The following ARHGAP32 variants were observed in gnomAD, a reference collection of about 807,000 sequenced individuals.
ARHGAP32 encodes rho GTPase-activating protein 32.
Under a neutral mutation model 186.5 loss-of-function variants are expected in ARHGAP32, and 51 were observed. The ratio of observed to expected loss-of-function variants is 0.27; its 90% CI spans 0.22 to 0.35. The LOEUF is 0.35. Ranked by LOEUF, ARHGAP32 falls within the 10% of genes least tolerant of loss-of-function variation. The probability of loss-of-function intolerance (pLI) is 1.00; values close to 1 mark genes in which losing one functional copy is unlikely to be tolerated. For missense variants in ARHGAP32, 2,186 were observed against 2,623.5 expected (o/e 0.83, Z 3.64); for synonymous variants, 950 against 964.3 (o/e 0.99, Z 0.27).
At chr11:129,159,059 G>A (rs1042553830) in intron 2 of ARHGAP32, among the ~76,000 whole-genome samples, 5 of 152,186 alleles carry the variant, frequency 3.3e-5, no homozygotes, top group African/African-American at 1.2e-4. Context: ...TGAAAGCAGT[G>A]TTTAGAGGGA....
chr11:129,001,265 T>G (rs1432704968), intron 11 of ARHGAP32, among the ~76,000 whole-genome samples: 2 of 152,160 alleles, frequency 1.3e-5, no homozygotes, highest in African/African-American at 4.8e-5. Context: ...AAGGGTTCCC[T>G]TTTCTCCACA....
Position 128,968,508 on chromosome 11 carries a change from C to T in ARHGAP32, c.*399G>A, listed in dbSNP as rs925545063. On this transcript the variant is annotated 3_prime_UTR_variant, in exon 23 of 23. Transcript: ENST00000682385. ...ACACAACAGGGAATGCAGACGCCTA[C>T]CAGGAAATCGATGTGAACTGCTCTC... The T allele has an allele frequency of 6.5e-6, 1 of 153,950 alleles. No individual in the cohort carries two copies. Among genetic ancestry groups the T allele is most frequent in the Non-Finnish European group, 1.4e-5 (1 of 69,402 alleles). The allele number at this position is 153,950 out of a possible 1,614,324, so 9.5% of individuals were successfully genotyped here.
At chr11:129,104,100 A>C (rs947171300) in intron 5 of ARHGAP32, among the ~76,000 whole-genome samples, 2 of 152,124 alleles carry the variant, frequency 1.3e-5, no homozygotes, top group Non-Finnish European at 2.9e-5. Flanking sequence ...ATGTAAAAAT[A>C]AGAGCCAAAA....
At chr11:129,226,277 T>A (rs1213605432) in intron 1 of ARHGAP32, among the ~76,000 whole-genome samples, 1 of 152,136 alleles carries the variant, frequency 6.6e-6, no homozygotes, top group African/African-American at 2.4e-5. Context: ...TTAAAATCTG[T>A]ATATCCAAAA....
In ARHGAP32 at chr11:129,125,694, A is replaced by T. The variant is rs577531696; in HGVS notation, c.226-800T>A. Among the ~76,000 whole-genome samples, 19 of 151,820 alleles carry T rather than the reference A, an allele frequency of 1.3e-4. No individual in the cohort carries two copies. The East Asian group carries it at 3.5e-3, about 28-fold the overall frequency. On this transcript the variant is annotated intron_variant, in intron 2 of 22. Transcript: ENST00000682385. ...AGACAGTTTACATACTTTTTTTTTT[A>T]AATAGGACTTTTCAAAGATATGAGG...
At chr11:129,072,998 T>C (rs973769200) in intron 6 of ARHGAP32, among the ~76,000 whole-genome samples, 1 of 152,154 alleles carries the variant, frequency 6.6e-6, no homozygotes, top group Non-Finnish European at 1.5e-5. Flanking sequence ...CCAGTCATCG[T>C]GTCCTACCTA....
chr11:129,097,541 G>C (rs999631967), intron 5 of ARHGAP32, among the ~76,000 whole-genome samples: 1 of 152,082 alleles, frequency 6.6e-6, no homozygotes, highest in African/African-American at 2.4e-5. Flanking sequence ...AAATTCACTA[G>C]AGGGATTCAA....
intron 6 of ARHGAP32, among the ~76,000 whole-genome samples, chr11:129,073,227 A>G (rs928866184): frequency 2.0e-5 from 3 of 152,146 alleles, no homozygotes; most frequent in Non-Finnish European, 4.4e-5. Flanking sequence ...AACTAAAAGG[A>G]AAAAAACACC....
At chr11:129,002,540 G>A (rs982360626) in intron 11 of ARHGAP32, among the ~76,000 whole-genome samples, 3 of 152,092 alleles carry the variant, frequency 2.0e-5, no homozygotes, top group Admixed American at 1.3e-4. Context: ...CTGCAAACAA[G>A]GATAATTTGG....
chr11:129,189,730 A>G (rs781401898), intron 1 of ARHGAP32, among the ~76,000 whole-genome samples: 19 of 152,188 alleles, frequency 1.2e-4, no homozygotes, highest in Non-Finnish European at 1.6e-4. Context: ...ATAGTGAAAG[A>G]GTGTTAATAA....
At position 128,986,899 on chromosome 11, in the gene ARHGAP32, T is replaced by C. The variant is rs143387003; in HGVS notation, c.1299-231A>G. Among the ~76,000 whole-genome samples the C allele has an allele frequency of 2.1e-3, 319 of 152,298 alleles. 2 individuals are homozygous for C. Among genetic ancestry groups the C allele is most frequent in the East Asian group, 0.016 (81 of 5,184 alleles). ...GGAAATTAAGGGCACAGCTTTAATATTAAAATGGACAATAGCCTCTGAGAT... is the reference window on the plus strand; with the variant it reads ...GGAAATTAAGGGCACAGCTTTAATACTAAAATGGACAATAGCCTCTGAGAT... On this transcript the variant is annotated intron_variant, in intron 13 of 22. Coordinates refer to ENST00000682385, the MANE Select transcript of ARHGAP32 (RefSeq NM_001378024.1).
intron 5 of ARHGAP32, among the ~76,000 whole-genome samples, chr11:129,101,593 G>A (rs998081240): frequency 2.0e-5 from 3 of 152,088 alleles, no homozygotes; most frequent in African/African-American, 4.8e-5. Context: ...ACCAAGCATA[G>A]GAAAGAATCT....
chr11:129,217,509 A>G (rs1003910193), intron 1 of ARHGAP32, among the ~76,000 whole-genome samples: 1 of 152,190 alleles, frequency 6.6e-6, no homozygotes, highest in African/African-American at 2.4e-5. Context: ...TCAGTATAAA[A>G]GATATCTCTC....
intron 2 of ARHGAP32, among the ~76,000 whole-genome samples, chr11:129,163,613 C>T (rs1232281555): frequency 6.6e-6 from 1 of 152,084 alleles, no homozygotes; most frequent in Non-Finnish European, 1.5e-5. Flanking sequence ...CAATTCTCAC[C>T]ATATGTGCTA....
chr11:129,235,747 A>G (rs562802084), intron 1 of ARHGAP32, among the ~76,000 whole-genome samples: 20 of 152,196 alleles, frequency 1.3e-4, no homozygotes, highest in African/African-American at 4.8e-4. Context: ...AAAGTCCATT[A>G]TATCATTCTT....
chr11:129,221,515 GTGTGTGTGTGTGTGTGTGTT>G (rs1472631496), intron 1 of ARHGAP32, among the ~76,000 whole-genome samples: 47 of 144,576 alleles, frequency 3.3e-4, no homozygotes, highest in African/African-American at 1.1e-3. Flanking sequence ...GTGTGTGTGT[GTGTGTGTGTGTGTGTGTGTT>G]TATGGTAAAA....
intron 6 of ARHGAP32, among the ~76,000 whole-genome samples, chr11:129,078,643 C>G (rs920960027): frequency 2.6e-5 from 4 of 152,082 alleles, no homozygotes; most frequent in African/African-American, 7.2e-5. Context: ...CAGGCATACA[C>G]CACCACGCGT....
At chr11:129,080,155 G>A (rs1403191874) in intron 6 of ARHGAP32, among the ~76,000 whole-genome samples, 1 of 152,012 alleles carries the variant, frequency 6.6e-6, no homozygotes, top group Non-Finnish European at 1.5e-5. Context: ...GTAATAGTGG[G>A]GGACTTCAAT....
chr11:129,128,636 C>T (rs972150509), intron 2 of ARHGAP32, among the ~76,000 whole-genome samples: 1 of 150,386 alleles, frequency 6.6e-6, no homozygotes, highest in South Asian at 2.1e-4. Flanking sequence ...TTGTGAAAGC[C>T]GAGGCTGGAC....
Sources: gnomAD v4.1 joint callset for allele counts (sites outside exome capture counted in the v4.1 genomes callset) on GRCh38, gnomAD v4.1.1 for gene constraint, MANE v1.5 for transcripts, NCBI Gene and HGNC (gene_info 2026-07-23, HGNC 2026-07-21) for gene names.